Variants in OXR1 observed in about 807,000 individuals in gnomAD.
The protein encoded by OXR1 is oxidation resistance 1, also known as oxidation resistance protein 1.
In OXR1, 41 loss-of-function variants were observed where a neutral mutation model predicts 104.6. The ratio of observed to expected loss-of-function variants is 0.39; its 90% CI spans 0.31 to 0.51. OXR1 has a LOEUF of 0.51. Among genes scored for constraint, OXR1 ranks in the 20% least tolerant of loss-of-function variants. The pLI, the probability that OXR1 is intolerant of heterozygous loss-of-function variation, is 0.77. For synonymous variants in OXR1, 348 were observed against 348.4 expected (o/e 1.00, Z 0.01); for missense variants, 955 against 1,031.9 (o/e 0.93, Z 1.02).
intron 1 of OXR1, among the ~76,000 whole-genome samples, chr8:106,287,430 G>A (rs548557409): frequency 2.0e-4 from 30 of 152,252 alleles, no homozygotes; most frequent in African/African-American, 6.3e-4. Flanking sequence ...TATTAATTCA[G>A]TGACCAGAAA....
intron 6 of OXR1, among the ~76,000 whole-genome samples, 176 bp downstream of exon 6, chr8:106,684,535 A>G (rs571699162): frequency 6.6e-6 from 1 of 152,210 alleles, no homozygotes; most frequent in Non-Finnish European, 1.5e-5. Context: ...ATGAAACCAT[A>G]TAGCTTAAAT....
At chr8:106,306,179 CT>C (rs1262748151) in intron 1 of OXR1, among the ~76,000 whole-genome samples, 2 of 152,142 alleles carry the variant, frequency 1.3e-5, no homozygotes, top group African/African-American at 4.8e-5. Flanking sequence ...AATAATTTTC[CT>C]GATGGCTGGG....
At chr8:106,417,092 T>G (rs1215687342) in intron 2 of OXR1, among the ~76,000 whole-genome samples, 1 of 152,006 alleles carries the variant, frequency 6.6e-6, no homozygotes, top group Non-Finnish European at 1.5e-5. Flanking sequence ...TAATAAATTT[T>G]TTAATGTATT....
At chr8:106,478,448 A>G (rs1821922640) in intron 2 of OXR1, among the ~76,000 whole-genome samples, 2 of 151,864 alleles carry the variant, frequency 1.3e-5, no homozygotes, top group African/African-American at 4.8e-5. Flanking sequence ...TCACACTTGC[A>G]AAGTAGAATA....
At chr8:106,647,832 A>G (rs1220265425) in intron 3 of OXR1, among the ~76,000 whole-genome samples, 1 of 152,228 alleles carries the variant, frequency 6.6e-6, no homozygotes, top group Non-Finnish European at 1.5e-5. Flanking sequence ...ACAGGTAGAT[A>G]TAATTTGTTA....
At chr8:106,413,090 T>A (rs1818525457) in intron 2 of OXR1, among the ~76,000 whole-genome samples, 1 of 152,012 alleles carries the variant, frequency 6.6e-6, no homozygotes, top group East Asian at 1.9e-4. Flanking sequence ...TATACAAGGC[T>A]CAACATTGCC....
intron 1 of OXR1, among the ~76,000 whole-genome samples, chr8:106,347,014 G>C (rs1314368687): frequency 6.6e-6 from 1 of 152,226 alleles, no homozygotes; most frequent in Non-Finnish European, 1.5e-5. Flanking sequence ...TTGCACTCCA[G>C]CTTAGGCGAC....
intron 3 of OXR1, among the ~76,000 whole-genome samples, chr8:106,520,984 T>C (rs1813215412): frequency 6.6e-6 from 1 of 152,176 alleles, no homozygotes; most frequent in African/African-American, 2.4e-5. Flanking sequence ...TTTTAAATAA[T>C]ACCACCACTC....
intron 16 of OXR1, among the ~76,000 whole-genome samples, chr8:106,749,168 C>G (rs1262521816): frequency 6.6e-6 from 1 of 151,574 alleles, no homozygotes; most frequent in Non-Finnish European, 1.5e-5. Context: ...CAGTGAAATC[C>G]CATCTCTACT....
intron 3 of OXR1, among the ~76,000 whole-genome samples, chr8:106,636,976 G>A (rs1207838289): frequency 6.6e-6 from 1 of 152,114 alleles, no homozygotes; most frequent in Non-Finnish European, 1.5e-5. Flanking sequence ...CCATCCACAA[G>A]AGCAGCTCCT....
At chr8:106,692,105 A>G (rs1282143311) in intron 6 of OXR1, among the ~76,000 whole-genome samples, 1 of 151,690 alleles carries the variant, frequency 6.6e-6, no homozygotes, top group African/African-American at 2.4e-5. Flanking sequence ...ATAATTCTCT[A>G]TTTTATTTTG....
intron 3 of OXR1, among the ~76,000 whole-genome samples, chr8:106,671,113 G>A (rs1363289941): frequency 7.6e-6 from 1 of 132,340 alleles, no homozygotes; most frequent in African/African-American, 3.0e-5. Flanking sequence ...TCAGATTCAA[G>A]CATCCCTATC....
intron 1 of OXR1, among the ~76,000 whole-genome samples, chr8:106,286,619 G>A (rs1812513274): frequency 6.6e-6 from 1 of 152,076 alleles, no homozygotes; most frequent in Admixed American, 6.6e-5. Flanking sequence ...TACATTCCGA[G>A]GTTGTAGAAT....
intron 6 of OXR1, 101 bp downstream of exon 6, chr8:106,684,460 A>G: frequency 3.1e-6 from 2 of 644,940 alleles, no homozygotes; most frequent in Non-Finnish European, 5.5e-6. Context: ...GGTTAGAATG[A>G]AATATTTCCT....
At chr8:106,421,537 T>C (rs1420894927) in intron 2 of OXR1, among the ~76,000 whole-genome samples, 1 of 152,104 alleles carries the variant, frequency 6.6e-6, no homozygotes, top group Non-Finnish European at 1.5e-5. Flanking sequence ...TGTGGACTGG[T>C]CACATGGTTC....
At chr8:106,744,226 GAA>G (rs1260348811) in intron 15 of OXR1, among the ~76,000 whole-genome samples, 2 of 152,158 alleles carry the variant, frequency 1.3e-5, no homozygotes, top group Non-Finnish European at 2.9e-5. Flanking sequence ...AAAAAAAAGA[GAA>G]AGAGATGGCA....
chr8:106,689,846 A>G (rs900874712), intron 6 of OXR1, among the ~76,000 whole-genome samples: 1 of 151,842 alleles, frequency 6.6e-6, no homozygotes, highest in African/African-American at 2.4e-5. Context: ...GACATTAATT[A>G]CAAGTAATAG....
At chr8:106,697,402 AG>A (rs1651573178) in intron 7 of OXR1, 1 of 1,386,172 alleles carries the variant, frequency 7.2e-7, no homozygotes, top group South Asian at 1.3e-5. Flanking sequence ...GTGGGAGGGC[AG>A]GGGCAAGGCC....
chr8:106,389,652 AT>A (rs1160207613), intron 2 of OXR1, among the ~76,000 whole-genome samples: 1 of 152,248 alleles, frequency 6.6e-6, no homozygotes, highest in African/African-American at 2.4e-5. Context: ...AGAAGTATAA[AT>A]TCAACCTCAA....
Sources: gnomAD v4.1 joint callset for allele counts (sites outside exome capture counted in the v4.1 genomes callset) on GRCh38, gnomAD v4.1.1 for gene constraint, MANE v1.5 for transcripts, NCBI Gene and HGNC (gene_info 2026-07-23, HGNC 2026-07-21) for gene names.